NR3C2: variants seen among roughly 807,000 people sequenced by gnomAD.
NR3C2 encodes the protein mineralocorticoid receptor.
Under a neutral mutation model 86.4 loss-of-function variants are expected in NR3C2, and 15 were observed. The ratio of observed to expected loss-of-function variants is 0.17; its 90% CI spans 0.12 to 0.27. The LOEUF (loss-of-function observed/expected upper bound fraction) is 0.27, where lower values mean the gene tolerates loss of function less well. NR3C2 is among the 10% of genes least tolerant of loss of function. NR3C2 has a pLI of 1.00. For synonymous variants in NR3C2, 458 were observed against 450.5 expected, an observed-to-expected ratio of 1.02 and a Z score of -0.21; for missense variants, 960 against 1,195.6, an observed-to-expected ratio of 0.80 and a Z score of 2.91.
intron 2 of NR3C2, among the ~76,000 whole-genome samples, chr4:148,329,952 C>G (rs550931573): frequency 6.6e-6 from 1 of 152,220 alleles, no homozygotes; most frequent in South Asian, 2.1e-4. Flanking sequence ...AGTTCCATGT[C>G]TGGCCAATGA....
chr4:148,382,576 T>C (rs1747054175), intron 2 of NR3C2, among the ~76,000 whole-genome samples: 1 of 152,208 alleles, frequency 6.6e-6, no homozygotes, highest in Non-Finnish European at 1.5e-5. Flanking sequence ...GTATCAAATA[T>C]ATATTTTATA....
chr4:148,184,821 A>G (rs1283980178), intron 4 of NR3C2, among the ~76,000 whole-genome samples: 1 of 152,168 alleles, frequency 6.6e-6, no homozygotes, highest in East Asian at 1.9e-4. Flanking sequence ...CACATCTGCA[A>G]TGATTCCAAT....
chr4:148,368,921 C>T (rs1746279577), intron 2 of NR3C2, among the ~76,000 whole-genome samples: 1 of 152,196 alleles, frequency 6.6e-6, no homozygotes, highest in South Asian at 2.1e-4. Flanking sequence ...TTTCCCTCAG[C>T]GTCCTCACCA....
chr4:148,210,680 C>T (rs1048211833), intron 3 of NR3C2, among the ~76,000 whole-genome samples: 13 of 152,170 alleles, frequency 8.5e-5, no homozygotes, highest in African/African-American at 2.9e-4. Flanking sequence ...AGGAACCTGT[C>T]CTATATTGCT....
At chr4:148,175,806 G>C (rs758006239) in intron 4 of NR3C2, among the ~76,000 whole-genome samples, 1 of 152,062 alleles carries the variant, frequency 6.6e-6, no homozygotes, top group Admixed American at 6.5e-5. Flanking sequence ...GACTGCTAGA[G>C]TAAGAAAACT....
intron 2 of NR3C2, among the ~76,000 whole-genome samples, chr4:148,316,946 C>T (rs942222591): frequency 1.6e-4 from 24 of 151,934 alleles, no homozygotes; most frequent in Admixed American, 3.3e-4. Context: ...GGATGACAGG[C>T]GCACACCACC....
rs1205965959 is a variant in NR3C2, at chr4:148,322,247, C to T, written c.1758-62130G>A. Among the ~76,000 whole-genome samples the T allele has an allele frequency of 1.1e-3, 167 of 149,418 alleles. 2 individuals are homozygous for T. Among genetic ancestry groups the T allele is most frequent in the African/African-American group, 3.6e-3 (148 of 40,640 alleles). The stretch of plus-strand genomic sequence containing the variant: ...CTTGTAGGGTTTCTGCTGAGAGATC[C>T]GCTGTTAGTCTGATGGGCTTCCCTT... On this transcript the variant is annotated intron_variant, in intron 2 of 8. Coordinates refer to ENST00000358102, the MANE Select transcript of NR3C2 (RefSeq NM_000901.5).
At chr4:148,440,218 G>C (rs1293639670) in intron 1 of NR3C2, among the ~76,000 whole-genome samples, 1 of 152,144 alleles carries the variant, frequency 6.6e-6, no homozygotes, top group Non-Finnish European at 1.5e-5. Context: ...TTTTCAAATA[G>C]CATTATTGAA....
intron 6 of NR3C2, among the ~76,000 whole-genome samples, chr4:148,128,460 A>G (rs1419289500): frequency 6.6e-6 from 1 of 152,252 alleles, no homozygotes; most frequent in East Asian, 1.9e-4. Flanking sequence ...CAAACTACAA[A>G]GCATTCCAGG....
chr4:148,294,814 AAAAAAAAAT>A (rs1220065942), intron 2 of NR3C2, among the ~76,000 whole-genome samples: 2 of 150,818 alleles, frequency 1.3e-5, no homozygotes, highest in East Asian at 2.0e-4. Flanking sequence ...CTGTCTCTAC[AAAAAAAAAT>A]AAAAAAAATA....
At chr4:148,429,556 A>G (rs1432349746) in intron 2 of NR3C2, among the ~76,000 whole-genome samples, 2 of 152,252 alleles carry the variant, frequency 1.3e-5, no homozygotes, top group Non-Finnish European at 2.9e-5. Flanking sequence ...TAACAATCAT[A>G]AATCCAGAAG....
At chr4:148,427,648 G>A (rs1367336506) in intron 2 of NR3C2, among the ~76,000 whole-genome samples, 2 of 152,026 alleles carry the variant, frequency 1.3e-5, no homozygotes, top group Admixed American at 6.5e-5. Context: ...GAAAGGGGGG[G>A]TGTCCCTATG....
chr4:148,298,139 C>G (rs1347125233), intron 2 of NR3C2, among the ~76,000 whole-genome samples: 1 of 152,054 alleles, frequency 6.6e-6, no homozygotes, highest in Non-Finnish European at 1.5e-5. Context: ...TTCAGAAAGA[C>G]TTGTGGTAGC....
At chr4:148,165,064 G>A (rs751063787) in intron 4 of NR3C2, among the ~76,000 whole-genome samples, 5 of 152,058 alleles carry the variant, frequency 3.3e-5, no homozygotes, top group Non-Finnish European at 7.4e-5. Context: ...ATAGATGAGG[G>A]GAACAGTTAC....
chr4:148,236,638 A>T (rs970235857), intron 3 of NR3C2, among the ~76,000 whole-genome samples: 12 of 152,308 alleles, frequency 7.9e-5, no homozygotes, highest in African/African-American at 2.9e-4. Context: ...TGTTTTATGC[A>T]CTTAAATCAA....
At chr4:148,314,373 T>C (rs1479907827) in intron 2 of NR3C2, among the ~76,000 whole-genome samples, 3 of 152,208 alleles carry the variant, frequency 2.0e-5, no homozygotes, top group Non-Finnish European at 4.4e-5. Context: ...CTTAAAATAT[T>C]AGAACTCTTT....
In NR3C2 at chr4:148,436,258, T is replaced by C. The variant is rs753746304; in HGVS notation, c.603A>G (p.Thr201=). 7.4e-6 allele frequency: 12 copies of C among 1,614,046 alleles called. No homozygotes were observed. Among genetic ancestry groups the C allele is most frequent in the South Asian group, 1.1e-5 (1 of 91,080 alleles). ...TTCCAGCAGGGCTGCAAACCGAAGA[T>C]GTCATGTTCAGAGGGCTGCAAACAG... ...SPSVCSPLNM[T]SSVCSPAGIN... Residue 201 remains threonine (T), a synonymous_variant, in exon 2 of 9, where the codon ACA becomes ACG. Transcript: ENST00000358102.
upstream of NR3C2, chr4:148,444,763 C>G (rs988005938): frequency 7.1e-6 from 7 of 984,798 alleles, no homozygotes; most frequent in African/African-American, 1.1e-4. Flanking sequence ...GGGACGCGGG[C>G]ACCCGCCCGC....
chr4:148,198,943 G>A (rs1327952834), intron 3 of NR3C2, among the ~76,000 whole-genome samples: 1 of 151,806 alleles, frequency 6.6e-6, no homozygotes, highest in Non-Finnish European at 1.5e-5. Flanking sequence ...AGCCGGGCAT[G>A]GTGGCGGGTG....
Sources: allele counts gnomAD v4.1 joint callset (sites outside exome capture counted in the v4.1 genomes callset), GRCh38; gene constraint gnomAD v4.1.1; transcripts MANE v1.5; gene names NCBI Gene and HGNC (gene_info 2026-07-23, HGNC 2026-07-21).